The following PAQR3 variants were observed in gnomAD, a reference collection of about 807,000 sequenced individuals.
The protein encoded by PAQR3 is Raf kinase trapping to Golgi.
Under a neutral mutation model 41.7 loss-of-function variants are expected in PAQR3, and 39 were observed. The observed-to-expected ratio is 0.93, with a 90% CI of 0.72 to 1.22. PAQR3 has a LOEUF of 1.22. PAQR3 is among the 50% of genes most tolerant of loss of function. PAQR3 has a pLI of 0.00. For synonymous variants in PAQR3, 140 were observed against 140.6 expected, an observed-to-expected ratio of 1.00 and a Z score of 0.03; for missense variants, 366 against 385.6, an observed-to-expected ratio of 0.95 and a Z score of 0.42.
intron 11 of PAQR3, among the ~76,000 whole-genome samples, chr4:78,901,143 A>C (rs1733979712): frequency 6.6e-6 from 1 of 152,162 alleles, no homozygotes; most frequent in African/African-American, 2.4e-5. Flanking sequence ...TCTTGGGCTC[A>C]AGCAATCCTA....
Position 78,918,985 on chromosome 4 carries a change from G to A in PAQR3, c.*1554C>T, listed in dbSNP as rs763882144. Reference sequence around the variant, plus strand: ...TTTCAAAGCAGCCTTCCATCATAACGATGGGTAAGACACGGTATTCCTTTA... The same window carrying A: ...TTTCAAAGCAGCCTTCCATCATAACAATGGGTAAGACACGGTATTCCTTTA... On this transcript the variant is annotated 3_prime_UTR_variant, in exon 6 of 6. Coordinates refer to ENST00000512733, the MANE Select transcript of PAQR3 (RefSeq NM_001040202.2). 7.6e-5 allele frequency: 75 copies of A among 984,764 alleles called. No homozygotes were observed. Among genetic ancestry groups the A allele is most frequent in the Non-Finnish European group, 8.7e-5 (72 of 829,612 alleles). 61.0% of individuals were successfully genotyped at this position (984,764 alleles called of 1,614,324 possible).
intron 1 of PAQR3, among the ~76,000 whole-genome samples, chr4:78,936,497 T>C (rs1051530580): frequency 2.6e-5 from 4 of 152,232 alleles, no homozygotes; most frequent in Non-Finnish European, 5.9e-5. Context: ...AATTTAGTTA[T>C]ACGTCAACGC....
In PAQR3 at chr4:78,918,282, C is replaced by T; in HGVS notation, c.*2257G>A. 1.1e-6 allele frequency: 1 copy of T among 941,238 alleles called. No individual in the cohort carries two copies. Among genetic ancestry groups the T allele is most frequent in the African/African-American group, 1.8e-5 (1 of 56,294 alleles). 58.3% of individuals were successfully genotyped at this position (941,238 alleles called of 1,614,324 possible). ...AAACAAAAATAACTTAAATATACATCATTACAAGGCTCAGATTTGTAGACA... is the reference window on the plus strand; with the variant it reads ...AAACAAAAATAACTTAAATATACATTATTACAAGGCTCAGATTTGTAGACA... On this transcript the variant is annotated 3_prime_UTR_variant, in exon 6 of 6. Transcript: ENST00000512733.
intron 11 of PAQR3, among the ~76,000 whole-genome samples, chr4:78,898,685 A>G (rs943536275): frequency 1.3e-5 from 2 of 151,528 alleles, no homozygotes; most frequent in African/African-American, 4.8e-5. Flanking sequence ...ATTGCTCCTC[A>G]AAGTGTGGTC....
At chr4:78,892,959 A>G (rs1449089320) in intron 11 of PAQR3, among the ~76,000 whole-genome samples, 2 of 152,194 alleles carry the variant, frequency 1.3e-5, no homozygotes, top group Non-Finnish European at 2.9e-5. Flanking sequence ...AGGGGTGGCT[A>G]TGGTAATTTC....
chr4:78,932,537 C>T lies in PAQR3; in HGVS notation c.349-2212G>A, dbSNP rs147379986. Among the ~76,000 whole-genome samples, 770 of 152,204 alleles carry T rather than the reference C, an allele frequency of 5.1e-3. 5 individuals carry two copies. The highest frequency in any genetic ancestry group is 0.01 in the Middle Eastern group (3 of 294). On this transcript the variant is annotated intron_variant, in intron 2 of 5. Transcript: ENST00000512733. The stretch of plus-strand genomic sequence containing the variant: ...AGGTAGCTATGCATACACAAACATA[C>T]GCATTTGGGTTAAACTCATTGTTTA...
chr4:78,911,009 G>A (rs185703833), downstream of PAQR3: 38 of 1,613,680 alleles, frequency 2.4e-5, no homozygotes, highest in African/African-American at 4.1e-4. Flanking sequence ...TCTGTCTACA[G>A]AGACAGATCT....
rs1578004350 is a variant in PAQR3 at position 78,918,747 on chromosome 4, AAAT to A, written c.*1789_*1791del. The stretch of plus-strand genomic sequence containing the variant: ...TATAATAAAAATGGCTCCACACCTA[AAAT>A]AATGATTTTCCCCTCATTTTTAACT... On this transcript the variant is annotated 3_prime_UTR_variant, in exon 6 of 6. Transcript: ENST00000512733. 1.0e-6 allele frequency: 1 copy of A among 981,504 alleles called. No individual in the cohort carries two copies. Among genetic ancestry groups the A allele is most frequent in the Non-Finnish European group, 1.2e-6 (1 of 826,484 alleles). 60.8% of individuals were successfully genotyped at this position (981,504 alleles called of 1,614,324 possible).
intron 11 of PAQR3, chr4:78,898,778 A>G (rs1397374166): frequency 6.6e-6 from 1 of 152,022 alleles, no homozygotes; most frequent in Non-Finnish European, 1.5e-5. Context: ...GTGAATTGGG[A>G]TATTAACAAA....
At chr4:78,892,147 G>A (rs902758523) in intron 11 of PAQR3, among the ~76,000 whole-genome samples, 2 of 152,150 alleles carry the variant, frequency 1.3e-5, no homozygotes, top group African/African-American at 4.8e-5. Context: ...TTCTGTAAGA[G>A]TTAGTGTATG....
At chr4:78,930,970 C>T (rs549998137) in intron 2 of PAQR3, among the ~76,000 whole-genome samples, 8 of 151,328 alleles carry the variant, frequency 5.3e-5, no homozygotes, top group African/African-American at 1.9e-4. Flanking sequence ...GGCTTTTTTT[C>T]AGTTAAGAAT....
downstream of PAQR3, chr4:78,911,685 TG>T: frequency 6.2e-7 from 1 of 1,613,814 alleles, no homozygotes; most frequent in Non-Finnish European, 8.5e-7. Flanking sequence ...AGAACATTAG[TG>T]TTGCACTGAC....
At chr4:78,908,809 C>T (rs1305078694), downstream of PAQR3, among the ~76,000 whole-genome samples, 1 of 152,096 alleles carries the variant, frequency 6.6e-6, no homozygotes, top group Non-Finnish European at 1.5e-5. Flanking sequence ...TTATGGGGTA[C>T]ATGAGATATG....
chr4:78,891,060 G>A (rs953122221), intron 11 of PAQR3, among the ~76,000 whole-genome samples: 3 of 152,076 alleles, frequency 2.0e-5, no homozygotes, highest in Non-Finnish European at 4.4e-5. Flanking sequence ...AATAAACTTT[G>A]CTGCCTAAAA....
downstream of PAQR3, among the ~76,000 whole-genome samples, chr4:78,907,559 A>G (rs1289166190): frequency 6.6e-6 from 1 of 152,206 alleles, no homozygotes; most frequent in South Asian, 2.1e-4. Flanking sequence ...ACTTTTGCAT[A>G]GTTGGTTTTA....
downstream of PAQR3, among the ~76,000 whole-genome samples, chr4:78,908,752 T>G (rs991983445): frequency 2.0e-5 from 3 of 152,194 alleles, no homozygotes; most frequent in African/African-American, 7.2e-5. Context: ...TTTTAAAAAA[T>G]TATGCTCATT....
chr4:78,927,888 A>C (rs6854347), intron 3 of PAQR3, among the ~76,000 whole-genome samples: 1 of 152,116 alleles, frequency 6.6e-6, no homozygotes, highest in Non-Finnish European at 1.5e-5. Context: ...GCAAAAGTGC[A>C]TTCTACTGGA....
At chr4:78,890,259 A>C (rs934198314) in intron 11 of PAQR3, among the ~76,000 whole-genome samples, 1 of 151,924 alleles carries the variant, frequency 6.6e-6, no homozygotes, top group South Asian at 2.1e-4. Flanking sequence ...CACTTCTGGC[A>C]TTTTAATATA....
chr4:78,898,246 A>G (rs1733808887), intron 11 of PAQR3, among the ~76,000 whole-genome samples: 1 of 152,190 alleles, frequency 6.6e-6, no homozygotes, highest in Non-Finnish European at 1.5e-5. Context: ...ATTATCTAAT[A>G]GGAAGTTAAA....
Sources: allele counts gnomAD v4.1 joint callset (sites outside exome capture counted in the v4.1 genomes callset), GRCh38; gene constraint gnomAD v4.1.1; transcripts MANE v1.5; gene names NCBI Gene and HGNC (gene_info 2026-07-23, HGNC 2026-07-21).